MIS18A: variants seen among roughly 807,000 people sequenced by gnomAD.
The protein encoded by MIS18A is MIS18 kinetochore protein A, also known as protein Mis18-alpha.
A neutral mutation model predicts 25.0 loss-of-function variants in MIS18A; 14 were observed. That is an observed-to-expected ratio of 0.56 (90% CI 0.37 to 0.88). MIS18A has a LOEUF of 0.88. Ranked by LOEUF, MIS18A falls within the 40% of genes least tolerant of loss-of-function variation. The probability of loss-of-function intolerance (pLI) is 0.00; values close to 1 mark genes in which losing one functional copy is unlikely to be tolerated. For missense variants in MIS18A, 292 were observed against 290.8 expected (o/e 1.00, Z -0.03); for synonymous variants, 134 against 118.6 (o/e 1.13, Z -0.84).
chr21:32,185,141 T>C, the MIS18A span, among the ~76,000 whole-genome samples: 1 of 152,066 alleles, frequency 6.6e-6, no homozygotes, highest in Admixed American at 6.5e-5. Flanking sequence ...ACCTTACCCC[T>C]TCAGACGGGT....
the MIS18A span, among the ~76,000 whole-genome samples, chr21:32,158,765 A>T: frequency 1.3e-5 from 2 of 152,176 alleles, no homozygotes; most frequent in Admixed American, 6.5e-5. Context: ...ATGAGCCACC[A>T]CACCCGGCCT....
the MIS18A span, among the ~76,000 whole-genome samples, chr21:32,232,862 T>C: frequency 6.6e-6 from 1 of 152,148 alleles, no homozygotes; most frequent in South Asian, 2.1e-4. Context: ...GTTATAATAT[T>C]ATATTGTATA....
intron 1 of MIS18A, 35 bp from the exon 2 acceptor site, chr21:32,274,931 G>A: frequency 6.4e-7 from 1 of 1,554,736 alleles, no homozygotes; most frequent in Non-Finnish European, 8.8e-7. Context: ...ATTTATTAAT[G>A]TAGTTCGTTA....
chr21:32,248,505 A>G, the MIS18A span, among the ~76,000 whole-genome samples: 1 of 152,232 alleles, frequency 6.6e-6, no homozygotes, highest in Non-Finnish European at 1.5e-5. Flanking sequence ...GCCCACAGGC[A>G]TATGTTCCAT....
the MIS18A span, among the ~76,000 whole-genome samples, chr21:32,203,193 T>C: frequency 6.9e-6 from 1 of 145,404 alleles, no homozygotes; most frequent in African/African-American, 2.5e-5. Flanking sequence ...AAAAAAAAAA[T>C]GAGGATTGCT....
the MIS18A span, among the ~76,000 whole-genome samples, chr21:32,218,124 C>T: frequency 5.2e-5 from 7 of 135,522 alleles, no homozygotes; most frequent in East Asian, 4.8e-4. Context: ...ACCCAGGAGG[C>T]GGAGCTTGCA....
chr21:32,174,255 T>A, the MIS18A span, among the ~76,000 whole-genome samples: 4 of 152,142 alleles, frequency 2.6e-5, no homozygotes, highest in Non-Finnish European at 5.9e-5. Flanking sequence ...CCAGCCTTTT[T>A]AAGTAATTTT....
At chr21:32,185,873 C>T in the MIS18A span, among the ~76,000 whole-genome samples, 10 of 152,280 alleles carry the variant, frequency 6.6e-5, no homozygotes, top group East Asian at 5.8e-4. Context: ...ACCGCCACAT[C>T]GTATTTCCGG....
the MIS18A span, among the ~76,000 whole-genome samples, chr21:32,242,422 T>C: frequency 2.6e-5 from 4 of 152,192 alleles, no homozygotes; most frequent in Non-Finnish European, 5.9e-5. Context: ...GCATTTAATA[T>C]AATTATTTCA....
downstream of MIS18A, among the ~76,000 whole-genome samples, chr21:32,267,778 G>T (rs1312926363): frequency 6.6e-6 from 1 of 152,214 alleles, no homozygotes; most frequent in Non-Finnish European, 1.5e-5. Context: ...CGAGCTTACT[G>T]CAGCTGGATG....
At chr21:32,274,963 G>C in intron 1 of MIS18A, 67 bp from the exon 2 acceptor site, 1 of 1,311,150 alleles carries the variant, frequency 7.6e-7, no homozygotes, top group South Asian at 1.3e-5. Flanking sequence ...CAGACAGAGA[G>C]TTTCTAATCC....
the MIS18A span, among the ~76,000 whole-genome samples, chr21:32,186,021 G>A: frequency 6.7e-6 from 1 of 149,918 alleles, no homozygotes. Context: ...CCAGGGTCTT[G>A]CTCAAGGTAA....
the MIS18A span, among the ~76,000 whole-genome samples, chr21:32,235,335 T>A: frequency 3.9e-5 from 6 of 152,172 alleles, no homozygotes; most frequent in Non-Finnish European, 7.4e-5. Flanking sequence ...TGATTTATGC[T>A]CTACAGGCCT....
downstream of MIS18A, among the ~76,000 whole-genome samples, chr21:32,265,509 G>T (rs2031578664): frequency 6.6e-6 from 1 of 152,230 alleles, no homozygotes; most frequent in Non-Finnish European, 1.5e-5. Flanking sequence ...GAGTCCCCCA[G>T]CAGTGCCGGC....
At chr21:32,270,657 T>A in intron 2 of MIS18A, 128 bp from the exon 3 acceptor site, 2 of 947,258 alleles carry the variant, frequency 2.1e-6, no homozygotes, top group South Asian at 8.2e-5. Flanking sequence ...AGGTCATACA[T>A]AAAGGATAGG....
At chr21:32,207,656 T>C in the MIS18A span, among the ~76,000 whole-genome samples, 1 of 152,198 alleles carries the variant, frequency 6.6e-6, no homozygotes, top group South Asian at 2.1e-4. Context: ...GATTGGTTTG[T>C]TGGAATTTTT....
chr21:32,165,682 A>G, the MIS18A span, among the ~76,000 whole-genome samples: 1 of 152,126 alleles, frequency 6.6e-6, no homozygotes, highest in Admixed American at 6.5e-5. Context: ...TCATACAAAG[A>G]TGACTGAGTG....
chr21:32,159,721 T>G, the MIS18A span, among the ~76,000 whole-genome samples: 1 of 152,172 alleles, frequency 6.6e-6, no homozygotes, highest in Admixed American at 6.6e-5. Flanking sequence ...TTGGTTTGGT[T>G]TGGAAAGGTG....
At chr21:32,265,994 C>G (rs1432277505), downstream of MIS18A, among the ~76,000 whole-genome samples, 3 of 152,122 alleles carry the variant, frequency 2.0e-5, no homozygotes, top group Admixed American at 2.0e-4. Context: ...GTGTTTAGCT[C>G]AAGGTTTGTG....
Sources: allele counts gnomAD v4.1 joint callset (sites outside exome capture counted in the v4.1 genomes callset), GRCh38; gene constraint gnomAD v4.1.1; transcripts MANE v1.5; gene names NCBI Gene and HGNC (gene_info 2026-07-23, HGNC 2026-07-21).